Variants in PDE1A observed in about 807,000 individuals in gnomAD.
PDE1A encodes the protein dual specificity calcium/calmodulin-dependent 3',5'-cyclic nucleotide phosphodiesterase 1A.
Under a neutral mutation model 61.7 loss-of-function variants are expected in PDE1A, and 35 were observed. The observed-to-expected ratio is 0.57, with a 90% CI of 0.43 to 0.75. The LOEUF (loss-of-function observed/expected upper bound fraction) is 0.75, where lower values mean the gene tolerates loss of function less well. Ranked by LOEUF, PDE1A falls within the 30% of genes least tolerant of loss-of-function variation. PDE1A has a pLI of 0.00. For synonymous variants in PDE1A, 232 were observed against 213.2 expected (o/e 1.09, Z -0.77); for missense variants, 597 against 630.6 (o/e 0.95, Z 0.57).
chr2:182,514,942 G>T (rs942957834), intron 2 of PDE1A, among the ~76,000 whole-genome samples: 1 of 152,128 alleles, frequency 6.6e-6, no homozygotes, highest in Non-Finnish European at 1.5e-5. Flanking sequence ...AGGAATTCTG[G>T]TTTATTTAGC....
intron 1 of PDE1A, among the ~76,000 whole-genome samples, chr2:182,383,236 T>G (rs1300136857): frequency 6.6e-6 from 1 of 152,216 alleles, no homozygotes; most frequent in Non-Finnish European, 1.5e-5. Context: ...AAGTCCTTCC[T>G]GAAGTTCTTG....
intron 7 of PDE1A, among the ~76,000 whole-genome samples, chr2:182,207,255 G>A (rs570318528): frequency 2.6e-5 from 4 of 152,300 alleles, no homozygotes; most frequent in Non-Finnish European, 4.4e-5. Context: ...GGTTGAGGAC[G>A]TCTTAGGTAG....
At chr2:182,490,699 ATAT>A (rs1688327540) in intron 2 of PDE1A, among the ~76,000 whole-genome samples, 1 of 151,950 alleles carries the variant, frequency 6.6e-6, no homozygotes, top group Admixed American at 6.6e-5. Context: ...TAACCTGAAA[ATAT>A]TATGGTACAC....
the PDE1A span, among the ~76,000 whole-genome samples, chr2:182,577,149 A>G: frequency 1.3e-5 from 2 of 152,156 alleles, no homozygotes; most frequent in African/African-American, 4.8e-5. Flanking sequence ...TGAGAGATGT[A>G]TATTTTAGCC....
At chr2:182,657,637 T>G in the PDE1A span, among the ~76,000 whole-genome samples, 27 of 152,178 alleles carry the variant, frequency 1.8e-4, no homozygotes, top group Non-Finnish European at 1.8e-4. Flanking sequence ...ACCTGATAAA[T>G]TTATGTTTCC....
intron 2 of PDE1A, among the ~76,000 whole-genome samples, chr2:182,482,146 T>C (rs991861958): frequency 6.6e-6 from 1 of 151,826 alleles, no homozygotes; most frequent in Non-Finnish European, 1.5e-5. Context: ...TCTGACAAAA[T>C]TGATTAAGCG....
chr2:182,492,222 G>A (rs1421160180), intron 2 of PDE1A, among the ~76,000 whole-genome samples: 1 of 151,940 alleles, frequency 6.6e-6, no homozygotes, highest in Non-Finnish European at 1.5e-5. Flanking sequence ...ATACTAAATT[G>A]GACTACACTA....
intron 2 of PDE1A, among the ~76,000 whole-genome samples, chr2:182,441,787 G>T (rs910022339): frequency 1.3e-5 from 2 of 152,020 alleles, no homozygotes; most frequent in Non-Finnish European, 2.9e-5. Context: ...ATACAAATGA[G>T]CTTGAAGAGG....
chr2:182,351,652 G>T (rs535487634), intron 1 of PDE1A, among the ~76,000 whole-genome samples: 5 of 152,268 alleles, frequency 3.3e-5, no homozygotes, highest in African/African-American at 1.2e-4. Context: ...GGTGTTTCAA[G>T]TGTCAGCGTT....
intron 1 of PDE1A, among the ~76,000 whole-genome samples, chr2:182,424,560 C>A (rs1703485389): frequency 1.3e-5 from 2 of 152,102 alleles, no homozygotes; most frequent in Admixed American, 6.5e-5. Flanking sequence ...AGAAAGGAGG[C>A]TGACGAAGAA....
intron 1 of PDE1A, among the ~76,000 whole-genome samples, chr2:182,292,192 A>G (rs1348436012): frequency 7.0e-6 from 1 of 143,252 alleles, no homozygotes; most frequent in Non-Finnish European, 1.5e-5. Flanking sequence ...CTTCTGAAAG[A>G]CCAGAGGCTC....
At chr2:182,579,539 T>C in the PDE1A span, among the ~76,000 whole-genome samples, 1 of 152,182 alleles carries the variant, frequency 6.6e-6, no homozygotes, top group Non-Finnish European at 1.5e-5. Context: ...GGGATCAGAA[T>C]CATTTTCAGT....
chr2:182,162,119 G>A (rs1691415872), intron 13 of PDE1A, among the ~76,000 whole-genome samples: 1 of 152,248 alleles, frequency 6.6e-6, no homozygotes, highest in Admixed American at 6.5e-5. Flanking sequence ...AATTTGTGAG[G>A]GGAGCACCAG....
chr2:182,386,583 G>A (rs1701104262), intron 1 of PDE1A, among the ~76,000 whole-genome samples: 1 of 150,486 alleles, frequency 6.6e-6, no homozygotes, highest in Non-Finnish European at 1.5e-5. Flanking sequence ...CACCCCGTCT[G>A]AGAAGTGAGG....
At chr2:182,258,330 A>AAAAT (rs1691979278) in intron 2 of PDE1A, among the ~76,000 whole-genome samples, 2 of 152,150 alleles carry the variant, frequency 1.3e-5, no homozygotes. Flanking sequence ...CTTGAGGAAA[A>AAAAT]AAATAGGTAA....
intron 2 of PDE1A, among the ~76,000 whole-genome samples, chr2:182,503,197 C>T (rs1302917530): frequency 6.6e-6 from 1 of 152,142 alleles, no homozygotes; most frequent in Non-Finnish European, 1.5e-5. Context: ...CTTACCACCT[C>T]CAAAGGCACC....
chr2:182,213,171 C>G (rs1370364856), intron 7 of PDE1A, among the ~76,000 whole-genome samples: 3 of 150,326 alleles, frequency 2.0e-5, no homozygotes, highest in Non-Finnish European at 3.0e-5. Flanking sequence ...ACACCTCACA[C>G]GGCAGGGTAT....
At chr2:182,665,109 TA>T in the PDE1A span, among the ~76,000 whole-genome samples, 1 of 152,306 alleles carries the variant, frequency 6.6e-6, no homozygotes, top group African/African-American at 2.4e-5. Flanking sequence ...AGACAATTGA[TA>T]AAATACTACA....
At chr2:182,349,186 A>G (rs949817164) in intron 1 of PDE1A, among the ~76,000 whole-genome samples, 1 of 152,190 alleles carries the variant, frequency 6.6e-6, no homozygotes, top group Non-Finnish European at 1.5e-5. Context: ...TATACTGAAG[A>G]TTACAAAATG....
Sources: gnomAD v4.1 joint callset for allele counts (sites outside exome capture counted in the v4.1 genomes callset) on GRCh38, gnomAD v4.1.1 for gene constraint, MANE v1.5 for transcripts, NCBI Gene and HGNC (gene_info 2026-07-23, HGNC 2026-07-21) for gene names.